Variants in PCTP observed in about 807,000 individuals in gnomAD.
The protein encoded by PCTP is START domain-containing protein 2.
PCTP carries 27 observed loss-of-function variants against 31.0 expected under a neutral mutation model. The ratio of observed to expected loss-of-function variants is 0.87; its 90% CI spans 0.64 to 1.20. The LOEUF (loss-of-function observed/expected upper bound fraction) is 1.20. Among genes scored for constraint, PCTP ranks in the 50% most tolerant of loss-of-function variants. The pLI is 0.00. For synonymous variants in PCTP, 108 were observed against 101.2 expected (o/e 1.07, Z -0.40); for missense variants, 287 against 268.2 (o/e 1.07, Z -0.49).
intron 1 of PCTP, among the ~76,000 whole-genome samples, chr17:55,759,701 C>T (rs1171742880): frequency 2.6e-5 from 4 of 152,132 alleles, no homozygotes. Context: ...TGTGATTTAT[C>T]AAGACCACCT....
chr17:55,771,200 A>G lies in PCTP; in HGVS notation c.339+15A>G, dbSNP rs962487533. 7 of 1,581,864 alleles carry G rather than the reference A, an allele frequency of 4.4e-6. No individual in the cohort carries two copies. Among genetic ancestry groups the G allele is most frequent in the Non-Finnish European group, 6.1e-6 (7 of 1,150,834 alleles). On this transcript the variant is annotated intron_variant, in intron 3 of 5. Transcript: ENST00000268896. The stretch of plus-strand genomic sequence containing the variant: ...CCAACAGAGACGTATCCTTTCCACA[A>G]GGTACTCATTCCCTGGCCCTCTAAG...
intron 1 of PCTP, among the ~76,000 whole-genome samples, chr17:55,757,633 TG>T (rs1439603833): frequency 6.6e-6 from 1 of 152,116 alleles, no homozygotes; most frequent in Admixed American, 6.5e-5. Flanking sequence ...ATAAGTTCTA[TG>T]TTCATGTATG....
At chr17:55,789,774 A>G (rs1002344809) in intron 3 of PCTP, among the ~76,000 whole-genome samples, 8 of 152,212 alleles carry the variant, frequency 5.3e-5, no homozygotes, top group Non-Finnish European at 1.2e-4. Context: ...ATCAGTAGAA[A>G]AAGAGGGAAT....
chr17:55,843,553 C>T (rs888558249), downstream of PCTP, among the ~76,000 whole-genome samples: 5 of 152,144 alleles, frequency 3.3e-5, no homozygotes, highest in African/African-American at 1.2e-4. Flanking sequence ...ATTCTTCCTG[C>T]CCTCACTCAC....
intron 3 of PCTP, among the ~76,000 whole-genome samples, chr17:55,797,619 G>A (rs1052364645): frequency 2.0e-5 from 3 of 151,926 alleles, no homozygotes; most frequent in Admixed American, 6.6e-5. Context: ...GACTCACACT[G>A]GGATACCTGG....
At chr17:55,839,583 G>A (rs1297961246) in intron 5 of PCTP, among the ~76,000 whole-genome samples, 2 of 152,148 alleles carry the variant, frequency 1.3e-5, no homozygotes, top group East Asian at 3.8e-4. Flanking sequence ...GAGCTAACTG[G>A]GGTGCAGGAC....
At chr17:55,779,644 G>A (rs898046253), downstream of PCTP, among the ~76,000 whole-genome samples, 1 of 152,132 alleles carries the variant, frequency 6.6e-6, no homozygotes, top group Non-Finnish European at 1.5e-5. Context: ...AGATTGAGGA[G>A]TGACCTAAAA....
At chr17:55,788,692 A>G (rs1472053028) in intron 3 of PCTP, among the ~76,000 whole-genome samples, 1 of 152,204 alleles carries the variant, frequency 6.6e-6, no homozygotes, top group Non-Finnish European at 1.5e-5. Flanking sequence ...TCATTACTGA[A>G]TTAAGGTGAT....
chr17:55,775,468 G>T (rs1057283443), intron 5 of PCTP: 2 of 1,222,840 alleles, frequency 1.6e-6, no homozygotes, highest in African/African-American at 3.1e-5. Flanking sequence ...TCAAACAGAC[G>T]CAATTTCAAA....
chr17:55,799,401 T>C (rs1430953339), intron 3 of PCTP, among the ~76,000 whole-genome samples: 1 of 151,610 alleles, frequency 6.6e-6, no homozygotes, highest in Non-Finnish European at 1.5e-5. Context: ...CTTTCTTTTT[T>C]TTTTTTTCGC....
At chr17:55,837,060 T>C (rs146547623) in intron 5 of PCTP, among the ~76,000 whole-genome samples, 139 of 148,920 alleles carry the variant, frequency 9.3e-4, no homozygotes, top group African/African-American at 3.1e-3. Flanking sequence ...AGTTTGATCA[T>C]AGATATGGTA....
intron 3 of PCTP, among the ~76,000 whole-genome samples, chr17:55,798,612 C>A (rs1465094001): frequency 6.6e-6 from 1 of 151,834 alleles, no homozygotes; most frequent in Non-Finnish European, 1.5e-5. Flanking sequence ...AAACTACCAG[C>A]CTAGACTTCT....
At chr17:55,819,190 C>T (rs188585448) in intron 3 of PCTP, among the ~76,000 whole-genome samples, 1 of 152,180 alleles carries the variant, frequency 6.6e-6, no homozygotes, top group East Asian at 1.9e-4. Context: ...GAACAAACCA[C>T]AGCTAACATA....
intron 3 of PCTP, among the ~76,000 whole-genome samples, chr17:55,798,412 A>G (rs1169633024): frequency 1.3e-5 from 2 of 151,988 alleles, no homozygotes; most frequent in East Asian, 1.9e-4. Context: ...CCAAAAAACC[A>G]TAAAGAAACT....
At chr17:55,832,245 GCT>G (rs1567733923) in intron 5 of PCTP, among the ~76,000 whole-genome samples, 1 of 152,228 alleles carries the variant, frequency 6.6e-6, no homozygotes, top group African/African-American at 2.4e-5. Flanking sequence ...TTGAGGGCAA[GCT>G]CTGTGTCTCA....
At chr17:55,757,587 C>T (rs1910111887) in intron 1 of PCTP, among the ~76,000 whole-genome samples, 1 of 152,046 alleles carries the variant, frequency 6.6e-6, no homozygotes, top group Non-Finnish European at 1.5e-5. Context: ...ACTAATCACA[C>T]TCATCAATGA....
rs370207088 is a variant in PCTP, at chr17:55,773,581, G to A, written c.340-143G>A. ...CTTGCAGTGCAGGTATGGAGACAGG[G>A]CACGTCAGTGAACTAGTGGTAGAAA... On this transcript the variant is annotated intron_variant, in intron 3 of 5. Transcript: ENST00000268896. 5 of 683,950 alleles carry A rather than the reference G, an allele frequency of 7.3e-6. No homozygotes were observed. The East Asian group carries it at 8.3e-5, about 11-fold the overall frequency. 42.4% of individuals were successfully genotyped at this position (683,950 alleles called of 1,614,324 possible).
chr17:55,797,115 C>T (rs942160254), intron 3 of PCTP, among the ~76,000 whole-genome samples: 2 of 151,874 alleles, frequency 1.3e-5, no homozygotes, highest in South Asian at 2.1e-4. Context: ...ACGTAAAATT[C>T]GACCCTCTAC....
At chr17:55,752,229 T>C (rs1909752813) in intron 1 of PCTP, among the ~76,000 whole-genome samples, 1 of 152,182 alleles carries the variant, frequency 6.6e-6, no homozygotes, top group Non-Finnish European at 1.5e-5. Flanking sequence ...AAATATAGTG[T>C]TTTTATATTT....
Sources: allele counts gnomAD v4.1 joint callset (sites outside exome capture counted in the v4.1 genomes callset), GRCh38; gene constraint gnomAD v4.1.1; transcripts MANE v1.5; gene names NCBI Gene and HGNC (gene_info 2026-07-23, HGNC 2026-07-21).